Variants in RBPJ observed in about 807,000 individuals in gnomAD.
RBPJ encodes the protein recombination signal binding protein for immunoglobulin kappa J region.
RBPJ carries 9 observed loss-of-function variants against 67.8 expected under a neutral mutation model. The observed-to-expected ratio is 0.13, with a 90% confidence interval of 0.08 to 0.23. RBPJ has a LOEUF of 0.23. RBPJ is among the 10% of genes least tolerant of loss of function. The pLI is 1.00. For missense variants in RBPJ, 305 were observed against 595.6 expected (o/e 0.51, Z 5.08); for synonymous variants, 198 against 203.3 (o/e 0.97, Z 0.22).
intron 1 of RBPJ, among the ~76,000 whole-genome samples, chr4:26,171,495 A>G (rs1231984298): frequency 6.6e-6 from 1 of 152,178 alleles, no homozygotes; most frequent in Non-Finnish European, 1.5e-5. Context: ...TTGAGCCCCA[A>G]GAGTTAGAGG....
chr4:26,392,639 G>T (rs1042033090), intron 2 of RBPJ, among the ~76,000 whole-genome samples: 23 of 152,150 alleles, frequency 1.5e-4, no homozygotes, highest in African/African-American at 5.3e-4. Flanking sequence ...ACAAAAACTA[G>T]ATCAGTGGTT....
intron 1 of RBPJ, among the ~76,000 whole-genome samples, chr4:26,362,793 T>A (rs1024610093): frequency 2.6e-5 from 4 of 152,238 alleles, no homozygotes; most frequent in Non-Finnish European, 5.9e-5. Context: ...ATGGTAGTAT[T>A]TTTTGTTACA....
At chr4:26,420,797 A>C in intron 5 of RBPJ, 72 bp downstream of exon 5, 1 of 1,342,302 alleles carries the variant, frequency 7.4e-7, no homozygotes, top group Non-Finnish European at 1.0e-6. Context: ...TTTAAATTAA[A>C]AATTGCCTTT....
chr4:26,188,990 G>A (rs1210584247), intron 1 of RBPJ, among the ~76,000 whole-genome samples: 1 of 152,200 alleles, frequency 6.6e-6, no homozygotes, highest in Non-Finnish European at 1.5e-5. Context: ...CCAGAAATGT[G>A]ATAGAAGGCA....
intron 1 of RBPJ, among the ~76,000 whole-genome samples, chr4:26,195,021 C>T (rs1416419358): frequency 1.3e-5 from 2 of 152,146 alleles, no homozygotes; most frequent in Non-Finnish European, 2.9e-5. Flanking sequence ...CCTCAAATCT[C>T]TTGGGAAATA....
chr4:26,206,123 A>G (rs368542644), intron 1 of RBPJ, among the ~76,000 whole-genome samples: 33 of 152,196 alleles, frequency 2.2e-4, no homozygotes, highest in Non-Finnish European at 4.0e-4. Flanking sequence ...GAAAATCCCA[A>G]CTGCCACTAC....
chr4:26,170,065 C>G (rs995184278), intron 1 of RBPJ, among the ~76,000 whole-genome samples: 1 of 152,102 alleles, frequency 6.6e-6, no homozygotes, highest in East Asian at 1.9e-4. Flanking sequence ...GGCTGGCGCA[C>G]GGTGCGCTGC....
chr4:26,140,682 G>T, the RBPJ span, among the ~76,000 whole-genome samples: 1 of 127,440 alleles, frequency 7.8e-6, no homozygotes, highest in African/African-American at 3.0e-5. Context: ...TCCCAGGATG[G>T]TCACCAGCGT....
At chr4:26,178,004 A>G (rs1201309057) in intron 1 of RBPJ, among the ~76,000 whole-genome samples, 1 of 152,230 alleles carries the variant, frequency 6.6e-6, no homozygotes, top group African/African-American at 2.4e-5. Context: ...ACTTGGATGG[A>G]TAGATTGAAA....
chr4:26,287,513 G>T (rs1721507799), intron 1 of RBPJ, among the ~76,000 whole-genome samples: 1 of 147,364 alleles, frequency 6.8e-6, no homozygotes, highest in Non-Finnish European at 1.5e-5. Flanking sequence ...TAATCATGCT[G>T]CTGCAGTCCA....
intron 1 of RBPJ, among the ~76,000 whole-genome samples, chr4:26,215,248 T>A (rs556796911): frequency 5.2e-3 from 39 of 7,558 alleles, no homozygotes; most frequent in Non-Finnish European, 6.0e-3. Context: ...AGAAAGAAAG[T>A]AAGAAAGAAA....
chr4:26,352,435 A>T (rs1053573826), intron 1 of RBPJ, among the ~76,000 whole-genome samples: 1 of 152,334 alleles, frequency 6.6e-6, no homozygotes, highest in Admixed American at 6.5e-5. Flanking sequence ...TTGTGACGTT[A>T]GGGGTCAGGA....
At chr4:26,419,613 G>T (rs1330259492) in intron 4 of RBPJ, among the ~76,000 whole-genome samples, 1 of 152,176 alleles carries the variant, frequency 6.6e-6, no homozygotes, top group Admixed American at 6.5e-5. Flanking sequence ...TTTTAAAGTG[G>T]AATGTTGATC....
At position 26,293,513 on chromosome 4, in the gene RBPJ, A is replaced by G. The variant is rs561294543; in HGVS notation, c.-166-68933A>G. Among the ~76,000 whole-genome samples, 102 of 149,746 alleles carry G rather than the reference A, an allele frequency of 6.8e-4. 5 individuals carry two copies. The highest frequency in any genetic ancestry group is 1.9e-3 in the South Asian group (9 of 4,740). On this transcript the variant is annotated intron_variant, in intron 1 of 4. Coordinates refer to the RBPJ transcript ENST00000512351. Reference sequence around the variant, plus strand: ...TAGCCAAGTCTGGTGGCACATGCCTAAAGTCTCAGCTACTTGGGAGGCTGA... The same window carrying G: ...TAGCCAAGTCTGGTGGCACATGCCTGAAGTCTCAGCTACTTGGGAGGCTGA...
chr4:26,161,363 G>A (rs1041194382), upstream of RBPJ, among the ~76,000 whole-genome samples: 2 of 152,236 alleles, frequency 1.3e-5, no homozygotes, highest in Admixed American at 6.5e-5. Flanking sequence ...GATTTTAGGT[G>A]ATATGGTGTA....
chr4:26,403,997 C>T (rs1262535470), intron 2 of RBPJ, among the ~76,000 whole-genome samples: 1 of 152,110 alleles, frequency 6.6e-6, no homozygotes, highest in Non-Finnish European at 1.5e-5. Flanking sequence ...TTTACGCTAC[C>T]ACCAACAGTG....
chr4:26,363,502 G>A (rs1728292282), intron 1 of RBPJ, among the ~76,000 whole-genome samples: 1 of 152,102 alleles, frequency 6.6e-6, no homozygotes, highest in African/African-American at 2.4e-5. Context: ...GCAGTGGCAC[G>A]ATCTTGGCTC....
chr4:26,364,340 C>A (rs1443886115), intron 1 of RBPJ, among the ~76,000 whole-genome samples: 1 of 152,162 alleles, frequency 6.6e-6, no homozygotes, highest in Non-Finnish European at 1.5e-5. Context: ...TTAGCCAAGG[C>A]AATCAATTAG....
chr4:26,175,229 A>G (rs1219681156), intron 1 of RBPJ, among the ~76,000 whole-genome samples: 1 of 152,132 alleles, frequency 6.6e-6, no homozygotes, highest in Non-Finnish European at 1.5e-5. Context: ...ACGACAGCTG[A>G]GCTCCCCGCC....
Sources: gnomAD v4.1 joint callset for allele counts (sites outside exome capture counted in the v4.1 genomes callset) on GRCh38, gnomAD v4.1.1 for gene constraint, MANE v1.5 for transcripts, NCBI Gene and HGNC (gene_info 2026-07-23, HGNC 2026-07-21) for gene names.